ATRNL1: variants seen among roughly 807,000 people sequenced by gnomAD.
The protein encoded by ATRNL1 is attractin like 1.
In ATRNL1, 95 loss-of-function variants were observed where a neutral mutation model predicts 182.7. The observed-to-expected ratio is 0.52, with a 90% CI of 0.44 to 0.62. The LOEUF is 0.62. Ranked by LOEUF, ATRNL1 falls within the 20% of genes least tolerant of loss-of-function variation. ATRNL1 has a pLI of 0.00. For missense variants in ATRNL1, 1,471 were observed against 1,679.5 expected (o/e 0.88, Z 2.17); for synonymous variants, 576 against 568.3 (o/e 1.01, Z -0.19).
chr10:115,658,090 C>CTTT (rs71010038), intron 26 of ATRNL1, among the ~76,000 whole-genome samples: 59 of 90,288 alleles, frequency 6.5e-4, no homozygotes, highest in Non-Finnish European at 8.5e-4. Flanking sequence ...AATTTTTTTC[C>CTTT]TTTTTTTTTT....
chr10:115,116,225 C>T (rs562441006), intron 1 of ATRNL1, among the ~76,000 whole-genome samples: 1 of 151,936 alleles, frequency 6.6e-6, no homozygotes, highest in South Asian at 2.1e-4. Flanking sequence ...TAGTACTGAT[C>T]TAGATGAATA....
At chr10:115,237,760 A>G (rs1320290094) in intron 9 of ATRNL1, among the ~76,000 whole-genome samples, 2 of 151,968 alleles carry the variant, frequency 1.3e-5, no homozygotes, top group South Asian at 4.1e-4. Context: ...TTCTTTCATC[A>G]TTTATGCTTT....
intron 9 of ATRNL1, among the ~76,000 whole-genome samples, chr10:115,216,129 A>C (rs1299370985): frequency 1.3e-5 from 2 of 152,146 alleles, no homozygotes; most frequent in Non-Finnish European, 2.9e-5. Context: ...ATTTAGTTTC[A>C]TCATCTAACT....
intron 10 of ATRNL1, among the ~76,000 whole-genome samples, chr10:115,248,578 A>G (rs1369827177): frequency 1.3e-5 from 2 of 152,144 alleles, no homozygotes; most frequent in Non-Finnish European, 2.9e-5. Context: ...TTAAGACACT[A>G]TAAAATAATT....
At chr10:115,513,370 A>G (rs959502143) in intron 24 of ATRNL1, among the ~76,000 whole-genome samples, 1 of 152,040 alleles carries the variant, frequency 6.6e-6, no homozygotes, top group East Asian at 1.9e-4. Flanking sequence ...AGTAGAAGAC[A>G]GGATATTTTT....
rs556992072 is a variant in ATRNL1 at position 115,948,571 on chromosome 10, G to C, written c.*3792G>C. On this transcript the variant is annotated 3_prime_UTR_variant, in exon 29 of 29. Coordinates refer to ENST00000355044, the MANE Select transcript of ATRNL1 (RefSeq NM_207303.4). The stretch of plus-strand genomic sequence containing the variant: ...GAAACACTGGGGTAGGCCCTGGAGA[G>C]CAGTACTCTTAACAAGCTCCTCAGT... 6 of 152,280 alleles carry C rather than the reference G, an allele frequency of 3.9e-5. No individual in the cohort carries two copies. In the South Asian group the frequency reaches 1.2e-3, roughly 32 times the overall value. 9.4% of individuals were successfully genotyped at this position (152,280 alleles called of 1,614,324 possible).
intron 27 of ATRNL1, among the ~76,000 whole-genome samples, chr10:115,728,128 G>A (rs797026951): frequency 0.032 from 3,597 of 112,742 alleles, 52 homozygotes; most frequent in African/African-American, 0.035. Flanking sequence ...AAAAAAAAAA[G>A]AAAAAAAAAA....
At chr10:115,557,435 G>T (rs138899148) in intron 26 of ATRNL1, among the ~76,000 whole-genome samples, 3,037 of 152,252 alleles carry the variant, frequency 0.02, 135 homozygotes, top group Admixed American at 0.11. Context: ...CTGGAAAGCA[G>T]CTACCAATGA....
intron 5 of ATRNL1, among the ~76,000 whole-genome samples, chr10:115,144,294 C>T (rs1274674970): frequency 1.3e-5 from 2 of 152,044 alleles, no homozygotes; most frequent in Non-Finnish European, 2.9e-5. Context: ...ACTGCAGGCG[C>T]CTGCCACCAT....
intron 28 of ATRNL1, among the ~76,000 whole-genome samples, chr10:115,905,949 G>A (rs145197476): frequency 3.3e-5 from 5 of 152,166 alleles, no homozygotes; most frequent in Non-Finnish European, 5.9e-5. Flanking sequence ...CTGGTTTATA[G>A]GGTGAACTGT....
chr10:115,377,517 A>G (rs1554949867), intron 19 of ATRNL1, among the ~76,000 whole-genome samples: 1 of 152,152 alleles, frequency 6.6e-6, no homozygotes, highest in Non-Finnish European at 1.5e-5. Context: ...CATCTTTAGC[A>G]TCATTATTTT....
chr10:115,096,729 A>T, intron 1 of ATRNL1: 3 of 1,286,514 alleles, frequency 2.3e-6, no homozygotes, highest in Non-Finnish European at 3.0e-6. Context: ...GCAGAAGCAA[A>T]TATAGTATCA....
In ATRNL1 at chr10:115,135,322, A is replaced by G. The variant is rs1845454061; in HGVS notation, c.829+5787A>G. 2.6e-5 allele frequency among the ~76,000 whole-genome samples: 4 copies of G among 152,228 alleles called. No individual in the cohort carries two copies. The South Asian group carries it at 8.3e-4, about 32-fold the overall frequency. ...AGCCCAAAATCTCCTTAAGCTGATA[A>G]GCAACTTCAGCAAAGTCTCAGGATA... On this transcript the variant is annotated intron_variant, in intron 5 of 28. Transcript: ENST00000355044.
Position 115,946,265 on chromosome 10 carries a change from ATGCATAGTTACT to A in ATRNL1, c.*1492_*1503del, listed in dbSNP as rs1261507368. 1.3e-5 allele frequency: 2 copies of A among 152,238 alleles called. No individual in the cohort carries two copies. Among genetic ancestry groups the A allele is most frequent in the Non-Finnish European group, 2.9e-5 (2 of 68,034 alleles). The allele number at this position is 152,238 out of a possible 1,614,324, so 9.4% of individuals were successfully genotyped here. Reference sequence around the variant, plus strand: ...TATGACACTTTACTGTTTACAGCTAATGCATAGTTACTTGCATGCCATGGTTGTACAGTAGCA... The same window carrying A: ...TATGACACTTTACTGTTTACAGCTAATGCATGCCATGGTTGTACAGTAGCA... On this transcript the variant is annotated 3_prime_UTR_variant, in exon 29 of 29. Coordinates refer to ENST00000355044, the MANE Select transcript of ATRNL1 (RefSeq NM_207303.4).
At chr10:115,880,341 G>T (rs1451157622) in intron 28 of ATRNL1, among the ~76,000 whole-genome samples, 1 of 152,132 alleles carries the variant, frequency 6.6e-6, no homozygotes, top group Non-Finnish European at 1.5e-5. Flanking sequence ...AAATAGAAAG[G>T]GGCCAGGTAC....
At chr10:115,350,060 G>A (rs184495769) in intron 19 of ATRNL1, among the ~76,000 whole-genome samples, 8 of 151,938 alleles carry the variant, frequency 5.3e-5, no homozygotes, top group Admixed American at 2.0e-4. Flanking sequence ...AATGTTGGCT[G>A]GGCACAATGG....
At chr10:115,292,198 T>G (rs1554921110) in intron 15 of ATRNL1, among the ~76,000 whole-genome samples, 1 of 152,022 alleles carries the variant, frequency 6.6e-6, no homozygotes, top group Non-Finnish European at 1.5e-5. Context: ...TATTTTAATG[T>G]CTCCTGAATT....
chr10:115,095,374 TTAA>T (rs1564730821), intron 1 of ATRNL1, among the ~76,000 whole-genome samples: 1 of 148,482 alleles, frequency 6.7e-6, no homozygotes, highest in Admixed American at 6.6e-5. Context: ...TTTTTTTTTT[TTAA>T]AAAAAAACTT....
intron 27 of ATRNL1, among the ~76,000 whole-genome samples, chr10:115,789,720 A>G (rs1428579776): frequency 2.0e-5 from 3 of 152,192 alleles, no homozygotes; most frequent in Non-Finnish European, 4.4e-5. Flanking sequence ...AGTCTTAGTC[A>G]TTTACTTTAA....
Sources: gnomAD v4.1 joint callset for allele counts (sites outside exome capture counted in the v4.1 genomes callset) on GRCh38, gnomAD v4.1.1 for gene constraint, MANE v1.5 for transcripts, NCBI Gene and HGNC (gene_info 2026-07-23, HGNC 2026-07-21) for gene names.